KCNAB1: variants seen among roughly 807,000 people sequenced by gnomAD.
KCNAB1 encodes the protein voltage-gated potassium channel subunit beta-1.
Under a neutral mutation model 64.6 loss-of-function variants are expected in KCNAB1, and 35 were observed. The observed-to-expected ratio is 0.54, with a 90% confidence interval of 0.41 to 0.72. The LOEUF (loss-of-function observed/expected upper bound fraction) is 0.72. Ranked by LOEUF, KCNAB1 falls within the 30% of genes least tolerant of loss-of-function variation. KCNAB1 has a pLI of 0.00. For synonymous variants in KCNAB1, 177 were observed against 183.8 expected (o/e 0.96, Z 0.30); for missense variants, 401 against 512.9 (o/e 0.78, Z 2.11).
intron 1 of KCNAB1, among the ~76,000 whole-genome samples, chr3:156,141,118 G>A (rs1160119834): frequency 6.6e-6 from 1 of 151,700 alleles, no homozygotes; most frequent in Non-Finnish European, 1.5e-5. Context: ...GCAGGTATAA[G>A]CAGCAATAGA....
At chr3:156,494,434 T>TTTAAACA (rs1211719601) in intron 8 of KCNAB1, among the ~76,000 whole-genome samples, 1 of 152,122 alleles carries the variant, frequency 6.6e-6, no homozygotes, top group Non-Finnish European at 1.5e-5. Flanking sequence ...TTAAACACCC[T>TTTAAACA]CCTTTCTCAC....
At chr3:156,128,602 C>G (rs1461543762) in intron 1 of KCNAB1, among the ~76,000 whole-genome samples, 1 of 152,188 alleles carries the variant, frequency 6.6e-6, no homozygotes, top group Non-Finnish European at 1.5e-5. Context: ...TGTTCTCCTA[C>G]TTTCCTGTGA....
At position 156,482,422 on chromosome 3, in the gene KCNAB1, A is replaced by G. The variant is rs138263728; in HGVS notation, c.658+7602A>G. Among the ~76,000 whole-genome samples, 74 of 152,064 alleles carry G rather than the reference A, an allele frequency of 4.9e-4. No individual in the cohort carries two copies. The East Asian group carries it at 0.014, about 28-fold the overall frequency. ...ACATTCTTGTTGGGGAGACAGACAA[A>G]AAGTTAGTAAGAAAGTTACATTAGA... On this transcript the variant is annotated intron_variant, in intron 8 of 13. Transcript: ENST00000490337.
intron 1 of KCNAB1, among the ~76,000 whole-genome samples, chr3:156,333,063 G>A (rs1031589629): frequency 6.6e-6 from 1 of 152,094 alleles, no homozygotes; most frequent in Non-Finnish European, 1.5e-5. Context: ...ATGTGTCTGG[G>A]TAGTACTCCT....
chr3:156,262,588 T>C (rs1218033708), intron 1 of KCNAB1, among the ~76,000 whole-genome samples: 1 of 151,888 alleles, frequency 6.6e-6, no homozygotes, highest in East Asian at 1.9e-4. Context: ...TCATATTTTG[T>C]TAAGGATTTT....
At chr3:156,317,308 G>A (rs1432550971) in intron 1 of KCNAB1, among the ~76,000 whole-genome samples, 1 of 152,142 alleles carries the variant, frequency 6.6e-6, no homozygotes, top group Non-Finnish European at 1.5e-5. Context: ...TTAAGATTAT[G>A]TCAGGGTTTC....
chr3:156,362,508 C>G (rs947449028), intron 1 of KCNAB1, among the ~76,000 whole-genome samples: 17 of 152,138 alleles, frequency 1.1e-4, no homozygotes, highest in African/African-American at 3.9e-4. Flanking sequence ...CATGACCTTA[C>G]TTAGGCTATC....
intron 1 of KCNAB1, among the ~76,000 whole-genome samples, chr3:156,161,880 T>C (rs989643216): frequency 1.3e-5 from 2 of 152,226 alleles, no homozygotes; most frequent in African/African-American, 4.8e-5. Flanking sequence ...AAAATACCTA[T>C]GCATGTGAAC....
intron 1 of KCNAB1, among the ~76,000 whole-genome samples, chr3:156,370,911 T>C (rs1334723630): frequency 6.6e-6 from 1 of 152,182 alleles, no homozygotes; most frequent in Non-Finnish European, 1.5e-5. Context: ...CTGCAATGGC[T>C]TGTGAACATC....
intron 3 of KCNAB1, among the ~76,000 whole-genome samples, chr3:156,454,807 G>A (rs1712270030): frequency 1.3e-5 from 2 of 152,174 alleles, no homozygotes; most frequent in South Asian, 4.1e-4. Flanking sequence ...TTCCCTTTCT[G>A]AGCAGATTGG....
chr3:156,231,500 C>G (rs1218684454), intron 1 of KCNAB1, among the ~76,000 whole-genome samples: 1 of 128,262 alleles, frequency 7.8e-6, no homozygotes, highest in Non-Finnish European at 1.7e-5. Context: ...CCTCCCCTCC[C>G]TCCCTCCCTC....
chr3:156,335,853 G>GGTTTTTTTTT (rs1553848761), intron 1 of KCNAB1, among the ~76,000 whole-genome samples: 1 of 135,308 alleles, frequency 7.4e-6, no homozygotes, highest in African/African-American at 2.7e-5. Flanking sequence ...AATTGTTTGG[G>GGTTTTTTTTT]TTTTTTTTTT....
At chr3:156,319,395 T>C (rs185304307) in intron 1 of KCNAB1, among the ~76,000 whole-genome samples, 1 of 152,366 alleles carries the variant, frequency 6.6e-6, no homozygotes, top group East Asian at 1.9e-4. Context: ...TCCATTGCTG[T>C]GGCAGTCTAA....
chr3:156,305,099 G>T (rs1721403680), intron 1 of KCNAB1, among the ~76,000 whole-genome samples: 1 of 151,680 alleles, frequency 6.6e-6, no homozygotes, highest in Non-Finnish European at 1.5e-5. Context: ...GATGGACTTG[G>T]TAATCTTTTT....
intron 1 of KCNAB1, among the ~76,000 whole-genome samples, chr3:156,223,851 C>A (rs1253579293): frequency 6.6e-6 from 1 of 152,234 alleles, no homozygotes; most frequent in Non-Finnish European, 1.5e-5. Context: ...TGGCTTCACC[C>A]AGTGTATCCC....
At chr3:156,258,858 G>A (rs1718261079) in intron 1 of KCNAB1, among the ~76,000 whole-genome samples, 1 of 152,166 alleles carries the variant, frequency 6.6e-6, no homozygotes. Context: ...GTGCCTTGCT[G>A]TTGAGTGAGC....
intron 3 of KCNAB1, chr3:156,453,297 C>G (rs779851582): frequency 6.1e-5 from 10 of 164,804 alleles, no homozygotes; most frequent in Non-Finnish European, 1.2e-4. Flanking sequence ...TCTCAGTTTA[C>G]ACAGAAGTTT....
At chr3:156,385,080 GC>G (rs1328227506) in intron 1 of KCNAB1, among the ~76,000 whole-genome samples, 2 of 152,200 alleles carry the variant, frequency 1.3e-5, no homozygotes, top group African/African-American at 4.8e-5. Flanking sequence ...AGTAGAGTTT[GC>G]CTTAATGTCA....
At chr3:156,184,672 G>C (rs1205641855) in intron 1 of KCNAB1, among the ~76,000 whole-genome samples, 1 of 152,196 alleles carries the variant, frequency 6.6e-6, no homozygotes, top group Non-Finnish European at 1.5e-5. Flanking sequence ...GTGAAACAAA[G>C]CTGTCTATCT....
Sources: allele counts gnomAD v4.1 joint callset (sites outside exome capture counted in the v4.1 genomes callset), GRCh38; gene constraint gnomAD v4.1.1; transcripts MANE v1.5; gene names NCBI Gene and HGNC (gene_info 2026-07-23, HGNC 2026-07-21).